RO60: variants seen among roughly 807,000 people sequenced by gnomAD.
RO60 encodes the protein RNA-binding protein RO60.
Under a neutral mutation model 55.3 loss-of-function variants are expected in RO60, and 20 were observed. The ratio of observed to expected loss-of-function variants is 0.36; its 90% confidence interval spans 0.25 to 0.53. RO60 has a LOEUF of 0.53. Among genes scored for constraint, RO60 ranks in the 20% least tolerant of loss-of-function variants. The pLI is 0.92. For missense variants in RO60, 558 were observed against 646.6 expected (o/e 0.86, Z 1.49); for synonymous variants, 213 against 213.6 (o/e 1.00, Z 0.02).
chr1:193,082,726 A>G lies in RO60; in HGVS notation c.1464+18A>G. 2 of 1,583,014 alleles carry G rather than the reference A, an allele frequency of 1.3e-6. No homozygotes were observed. Among genetic ancestry groups the G allele is most frequent in the East Asian group, 2.3e-5 (1 of 44,376 alleles). On this transcript the variant is annotated intron_variant, in intron 8 of 8. Transcript: ENST00000400968. ...ATCGAAAGGTAAAACAAATTCTAAT[A>G]CGGTTCCTCACCCAAATAATATTAT...
In RO60 at chr1:193,088,479, A is replaced by G. The variant is rs1674719635; in HGVS notation, c.*3748A>G. The stretch of plus-strand genomic sequence containing the variant: ...CTTGAATAAATCTGAAGGTCTCACA[A>G]TTAAGTGAGAAACACCTTTAAAAGC... On this transcript the variant is annotated 3_prime_UTR_variant, in exon 9 of 9. Transcript: ENST00000400968. The G allele has an allele frequency of 6.6e-6, 1 of 152,110 alleles. No individual in the cohort carries two copies. The highest frequency in any genetic ancestry group is 1.5e-5 in the Non-Finnish European group (1 of 68,006). 9.4% of individuals were successfully genotyped at this position (152,110 alleles called of 1,614,324 possible).
chr1:193,077,267 G>C lies in RO60; in HGVS notation c.1086+217G>C, dbSNP rs531439487. Among the ~76,000 whole-genome samples the C allele has an allele frequency of 2.3e-4, 35 of 152,232 alleles. No individual in the cohort carries two copies. The South Asian group carries it at 5.6e-3, about 24-fold the overall frequency. On this transcript the variant is annotated intron_variant, in intron 5 of 8. Transcript: ENST00000400968. ...TTTGGGTAGCAACTAATTATTCTAA[G>C]ATCATTTTGGTAACTTTTAAGTTAC...
intron 1 of RO60, among the ~76,000 whole-genome samples, chr1:193,063,474 T>C (rs1176459859): frequency 2.6e-5 from 4 of 152,234 alleles, no homozygotes; most frequent in Admixed American, 6.5e-5. Context: ...ACTTATTGTA[T>C]GTATGATTTG....
At chr1:193,071,885 ATG>A (rs749525339) in intron 2 of RO60, among the ~76,000 whole-genome samples, 6 of 149,732 alleles carry the variant, frequency 4.0e-5, no homozygotes, top group Admixed American at 1.3e-4. Flanking sequence ...ATATATATGT[ATG>A]TGTGTGTATA....
At chr1:193,070,617 C>T (rs866090320) in intron 2 of RO60, 1 of 445,698 alleles carries the variant, frequency 2.2e-6, no homozygotes, top group Middle Eastern at 3.3e-4. Context: ...GGACTTAAGC[C>T]AAGTAAGTTA....
chr1:193,087,786 T>TA lies in RO60; in HGVS notation c.*3056dup, dbSNP rs969220089. On this transcript the variant is annotated 3_prime_UTR_variant, in exon 9 of 9. Transcript: ENST00000400968. ...GTTAAAAACATTCTTGTTAATAAGA[T>TA]ACGTATTTCAAAAGATAAAATGTTT... 1.4e-4 allele frequency: 21 copies of TA among 152,112 alleles called. No homozygotes were observed. The highest frequency in any genetic ancestry group is 1.8e-4 in the Non-Finnish European group (12 of 67,982). The allele number at this position is 152,112 out of a possible 1,614,324, so 9.4% of individuals were successfully genotyped here. A position where few individuals can be genotyped will look rare whatever the true frequency, so the allele number is the denominator to read the frequency against.
chr1:193,083,024 T>C (rs1572104847), intron 8 of RO60, among the ~76,000 whole-genome samples: 1 of 152,166 alleles, frequency 6.6e-6, no homozygotes, highest in East Asian at 1.9e-4. Flanking sequence ...CCCAACGTGC[T>C]GGGATTACAG....
intron 1 of RO60, among the ~76,000 whole-genome samples, chr1:193,066,607 CTG>C (rs1203571575): frequency 1.3e-5 from 2 of 152,216 alleles, no homozygotes; most frequent in South Asian, 4.1e-4. Flanking sequence ...TTCTTCAACT[CTG>C]TGCACCTCCT....
In RO60 at chr1:193,069,550, C is replaced by G. The variant is rs373957102; in HGVS notation, c.496C>G (p.Leu166Val). ...YNEKGGMALA[L>V]AVTKYKQRNG... ...TGAGAAAGGTGGCATGGCCCTTGCT[C>G]TGGCAGTTACAAAATATAAACAGAG... The change falls in exon 2 of 9, where the codon CTG becomes GTG. Residue 166 changes from leucine to valine, a missense_variant. Transcript: ENST00000400968. 304 of 1,614,060 alleles carry G rather than the reference C, an allele frequency of 1.9e-4. No individual in the cohort carries two copies. Among genetic ancestry groups the G allele is most frequent in the Non-Finnish European group, 2.5e-4 (294 of 1,180,046 alleles).
intron 5 of RO60, among the ~76,000 whole-genome samples, chr1:193,081,003 T>TA (rs1674272427): frequency 6.6e-6 from 1 of 152,156 alleles, no homozygotes; most frequent in African/African-American, 2.4e-5. Context: ...TAAAAATGGT[T>TA]AAAAAGGTCA....
At position 193,087,921 on chromosome 1, in the gene RO60, A is replaced by C. The variant is rs141628271; in HGVS notation, c.*3190A>C. 1 of 152,142 alleles carries C rather than the reference A, an allele frequency of 6.6e-6. No homozygotes were observed. Among genetic ancestry groups the C allele is most frequent in the Non-Finnish European group, 1.5e-5 (1 of 68,024 alleles). The allele number at this position is 152,142 out of a possible 1,614,324, so 9.4% of individuals were successfully genotyped here. Reference sequence around the variant, plus strand: ...CAGCTAAAGTATTACCCAAAAAGTCACTATTCTCTACTGAAGAGGGAGAAA... The same window carrying C: ...CAGCTAAAGTATTACCCAAAAAGTCCCTATTCTCTACTGAAGAGGGAGAAA... On this transcript the variant is annotated 3_prime_UTR_variant, in exon 9 of 9. Coordinates refer to ENST00000400968, the MANE Select transcript of RO60 (RefSeq NM_001173524.2).
Position 193,069,207 on chromosome 1 carries a change from G to A in RO60, c.153G>A (p.Gln51=). 2 of 1,614,228 alleles carry A rather than the reference G, an allele frequency of 1.2e-6. No homozygotes were observed. The highest frequency in any genetic ancestry group is 1.7e-6 in the Non-Finnish European group (2 of 1,180,036). ...SEGGTYYIKE[Q]KLGLENAEAL... ...GTGGGACTTATTATATCAAAGAACA[G>A]AAGTTGGGCCTTGAAAATGCTGAAG... is the stretch of plus-strand genomic sequence containing the variant. The change falls in exon 2 of 9, where the codon CAG becomes CAA. Residue 51 remains glutamine, a synonymous_variant. Coordinates refer to ENST00000400968, the MANE Select transcript of RO60 (RefSeq NM_001173524.2).
At chr1:193,076,465 T>C in intron 3 of RO60, 36 bp from the exon 4 acceptor site, 1 of 1,600,146 alleles carries the variant, frequency 6.2e-7, no homozygotes, top group African/African-American at 1.3e-5. Flanking sequence ...TATTTTCCCT[T>C]AATTCCTGGT....
chr1:193,069,579 T>C lies in RO60; in HGVS notation c.525T>C (p.Asn175=), dbSNP rs1673341725. 5.0e-6 allele frequency: 8 copies of C among 1,614,100 alleles called. No individual in the cohort carries two copies. The East Asian group carries it at 1.8e-4, about 36-fold the overall frequency. The change falls in exon 2 of 9, where the codon AAT becomes AAC. Residue 175 remains asparagine (N), a synonymous_variant. Transcript: ENST00000400968. Reference sequence around the variant, plus strand: ...CAGTTACAAAATATAAACAGAGAAATGGCTGGTCTCACAAAGATCTATTAA... The same window carrying C: ...CAGTTACAAAATATAAACAGAGAAACGGCTGGTCTCACAAAGATCTATTAA... ...ALAVTKYKQR[N]GWSHKDLLRL...
In RO60 at chr1:193,084,818, A is replaced by G; in HGVS notation, c.*87A>G. The G allele has an allele frequency of 1.3e-6, 2 of 1,545,304 alleles. No homozygotes were observed. The highest frequency in any genetic ancestry group is 1.7e-6 in the Non-Finnish European group (2 of 1,151,936). On this transcript the variant is annotated 3_prime_UTR_variant, in exon 9 of 9. Transcript: ENST00000400968. ...GCTACTTCCCAGCTAATCTCCACCC[A>G]ATGAATGATGATGGTATAGTATGTG...
chr1:193,069,045 A>G lies in RO60; in HGVS notation c.-10A>G. ...TGCCTTTTTGTTAGGTTTCCTAAAGACAAAAAAAAATGGAGGAATCTGTAA... is the reference window on the plus strand; with the variant it reads ...TGCCTTTTTGTTAGGTTTCCTAAAGGCAAAAAAAAATGGAGGAATCTGTAA... On this transcript the variant is annotated 5_prime_UTR_variant, in exon 2 of 9. Transcript: ENST00000400968. 6.3e-7 allele frequency: 1 copy of G among 1,595,430 alleles called. No homozygotes were observed.
Position 193,069,496 on chromosome 1 carries a change from C to A in RO60, c.442C>A (p.Leu148Ile). The A allele has an allele frequency of 6.2e-7, 1 of 1,614,172 alleles. No individual in the cohort carries two copies. Among genetic ancestry groups the A allele is most frequent in the Non-Finnish European group, 8.5e-7 (1 of 1,180,036 alleles). ...GAAATGTGGCATGTGGGGTCGTGCC[C>A]TCCGGAAGGCTATAGCGGACTGGTA... ...SMKCGMWGRA[L>I]RKAIADWYNE... The change falls in exon 2 of 9, where the codon CTC (leucine) becomes ATC (isoleucine). Residue 148 changes from leucine to isoleucine, a missense_variant. Physicochemically the swap from Leu to Ile is conservative, Grantham distance 5. Coordinates refer to ENST00000400968, the MANE Select transcript of RO60 (RefSeq NM_001173524.2).
At position 193,085,212 on chromosome 1, in the gene RO60, G is replaced by A. The variant is rs1463207720; in HGVS notation, c.*481G>A. The A allele has an allele frequency of 8.4e-7, 1 of 1,193,102 alleles. No homozygotes were observed. The highest frequency in any genetic ancestry group is 1.0e-6 in the Non-Finnish European group (1 of 961,366). The allele number at this position is 1,193,102 out of a possible 1,614,324, so 73.9% of individuals were successfully genotyped here. On this transcript the variant is annotated 3_prime_UTR_variant, in exon 9 of 9. Transcript: ENST00000400968. ...CTCATCTGTAAACTTTTATACCAAG[G>A]GGGTAAAAAAAAAAACTAAGGCATT... is the stretch of plus-strand genomic sequence containing the variant.
intron 8 of RO60, among the ~76,000 whole-genome samples, chr1:193,084,348 A>G (rs191793300): frequency 1.1e-4 from 16 of 152,330 alleles, no homozygotes; most frequent in African/African-American, 3.8e-4. Context: ...CCATAGAACA[A>G]GTAAAGTAAT....
Sources: gnomAD v4.1 joint callset for allele counts (sites outside exome capture counted in the v4.1 genomes callset) on GRCh38, gnomAD v4.1.1 for gene constraint, MANE v1.5 for transcripts, NCBI Gene and HGNC (gene_info 2026-07-23, HGNC 2026-07-21) for gene names.